The following DYNC1I2 variants were observed in gnomAD, a reference collection of about 807,000 sequenced individuals.
DYNC1I2 encodes the protein cytoplasmic dynein 1 intermediate chain 2.
A neutral mutation model predicts 88.6 loss-of-function variants in DYNC1I2; 53 were observed. The observed-to-expected ratio is 0.60, with a 90% CI of 0.48 to 0.75. DYNC1I2 has a LOEUF of 0.75. DYNC1I2 is among the 30% of genes least tolerant of loss of function. DYNC1I2 has a pLI of 0.00. For missense variants in DYNC1I2, 458 were observed against 766.6 expected, an observed-to-expected ratio of 0.60 and a Z score of 4.75; for synonymous variants, 198 against 254.6, an observed-to-expected ratio of 0.78 and a Z score of 2.12.
At chr2:171,699,421 C>G (rs1488424982) in intron 3 of DYNC1I2, among the ~76,000 whole-genome samples, 2 of 152,152 alleles carry the variant, frequency 1.3e-5, no homozygotes, top group African/African-American at 4.8e-5. Context: ...CATTGGTCAT[C>G]ATGGTTATGG....
At chr2:171,717,141 CTTTTTTT>C (rs71013068) in intron 7 of DYNC1I2, among the ~76,000 whole-genome samples, 2 of 102,296 alleles carry the variant, frequency 2.0e-5, no homozygotes, top group African/African-American at 3.3e-5. Context: ...CAAGTATTTT[CTTTTTTT>C]TTTTTTTTTT....
rs932457253 is a variant in DYNC1I2 at position 171,746,790 on chromosome 2, G to A, written c.1803+863G>A. ...ACATGTGGCCAGTAGCTACCCTACTGGATAGTGTAGATTTATAAACAGGCA... is the reference window on the plus strand; with the variant it reads ...ACATGTGGCCAGTAGCTACCCTACTAGATAGTGTAGATTTATAAACAGGCA... On this transcript the variant is annotated intron_variant, in intron 17 of 17. Coordinates refer to ENST00000397119, the MANE Select transcript of DYNC1I2 (RefSeq NM_001378.3). 7.9e-5 allele frequency among the ~76,000 whole-genome samples: 12 copies of A among 152,178 alleles called. No homozygotes were observed. In the East Asian group the frequency reaches 2.3e-3, roughly 29 times the overall value.
intron 7 of DYNC1I2, among the ~76,000 whole-genome samples, chr2:171,721,112 C>A (rs1280853372): frequency 1.5e-5 from 2 of 130,724 alleles, no homozygotes; most frequent in Non-Finnish European, 3.2e-5. Flanking sequence ...ATAGCAAGAC[C>A]CCATCTCTTA....
At chr2:171,722,761 A>T (rs906224983) in intron 7 of DYNC1I2, among the ~76,000 whole-genome samples, 2 of 152,166 alleles carry the variant, frequency 1.3e-5, no homozygotes, top group South Asian at 2.1e-4. Flanking sequence ...TAGCAAAAAG[A>T]TTGCATTTTA....
At chr2:171,710,124 C>T (rs312922) in intron 5 of DYNC1I2, among the ~76,000 whole-genome samples, 36 of 39,186 alleles carry the variant, frequency 9.2e-4, no homozygotes, top group African/African-American at 3.6e-3. Context: ...TGTATATATA[C>T]ACACACACAC....
intron 3 of DYNC1I2, 118 bp downstream of exon 3, chr2:171,693,012 T>G: frequency 1.3e-6 from 1 of 768,928 alleles, no homozygotes; most frequent in Non-Finnish European, 2.2e-6. Flanking sequence ...TCTAAAATTA[T>G]TAATCTTTTA....
At position 171,711,255 on chromosome 2, in the gene DYNC1I2, G is replaced by A. The variant is rs200530176; in HGVS notation, c.336-1512G>A. The stretch of plus-strand genomic sequence containing the variant: ...TGACCTCAAGTGATCTGCCCACCTC[G>A]GCCTCCCAAAGTGCCAGGATGACCG... On this transcript the variant is annotated intron_variant, in intron 5 of 17. Coordinates refer to ENST00000397119, the MANE Select transcript of DYNC1I2 (RefSeq NM_001378.3). 3.5e-4 allele frequency among the ~76,000 whole-genome samples: 53 copies of A among 152,120 alleles called. No individual in the cohort carries two copies. In the East Asian group the frequency reaches 8.7e-3, roughly 25 times the overall value.
chr2:171,743,043 C>T (rs539435347), intron 15 of DYNC1I2, among the ~76,000 whole-genome samples: 1 of 152,278 alleles, frequency 6.6e-6, no homozygotes, highest in Non-Finnish European at 1.5e-5. Flanking sequence ...CATATAACTT[C>T]TGACTTCCAA....
intron 15 of DYNC1I2, among the ~76,000 whole-genome samples, chr2:171,739,043 GA>G (rs1689209804): frequency 6.7e-6 from 1 of 150,114 alleles, no homozygotes; most frequent in South Asian, 2.1e-4. Flanking sequence ...AGCTCCTCGG[GA>G]GGCAGAGGTT....
intron 15 of DYNC1I2, among the ~76,000 whole-genome samples, chr2:171,735,562 C>T (rs1328419716): frequency 6.6e-6 from 1 of 152,154 alleles, no homozygotes; most frequent in Non-Finnish European, 1.5e-5. Context: ...GATATTCAAC[C>T]TGTATAGAAG....
At chr2:171,746,427 T>G (rs1336053236) in intron 17 of DYNC1I2, among the ~76,000 whole-genome samples, 2 of 152,182 alleles carry the variant, frequency 1.3e-5, no homozygotes, top group African/African-American at 4.8e-5. Context: ...CTCTCTCATC[T>G]TTGCTGCTCT....
At position 171,722,282 on chromosome 2, in the gene DYNC1I2, T is replaced by C. The variant is rs78431252; in HGVS notation, c.512-3336T>C. ...AATACATCACAATTTTGATGTTAACTCAAAGTAAAAATTCAGTGGTTCATT... is the reference window on the plus strand; with the variant it reads ...AATACATCACAATTTTGATGTTAACCCAAAGTAAAAATTCAGTGGTTCATT... On this transcript the variant is annotated intron_variant, in intron 7 of 17. Coordinates refer to ENST00000397119, the MANE Select transcript of DYNC1I2 (RefSeq NM_001378.3). Among the ~76,000 whole-genome samples the C allele has an allele frequency of 2.6e-5, 4 of 152,286 alleles. No individual in the cohort carries two copies. In the East Asian group the frequency reaches 7.7e-4, roughly 29 times the overall value.
At chr2:171,739,017 G>A (rs1205384255) in intron 15 of DYNC1I2, among the ~76,000 whole-genome samples, 1 of 151,332 alleles carries the variant, frequency 6.6e-6, no homozygotes, top group Admixed American at 6.6e-5. Context: ...GTGTGGTGGT[G>A]CATGCCTGTA....
At chr2:171,729,654 G>A (rs1688478870) in intron 14 of DYNC1I2, 55 bp from the exon 15 acceptor site, 4 of 1,581,838 alleles carry the variant, frequency 2.5e-6, no homozygotes, top group Non-Finnish European at 3.5e-6. Context: ...AAATGTGTAT[G>A]TAATTGGTCT....
At chr2:171,715,786 A>G (rs1419051839) in intron 7 of DYNC1I2, among the ~76,000 whole-genome samples, 1 of 152,162 alleles carries the variant, frequency 6.6e-6, no homozygotes, top group East Asian at 1.9e-4. Flanking sequence ...ATTGAGCATA[A>G]TTCTTCCCCA....
At chr2:171,736,176 G>T (rs932495990) in intron 15 of DYNC1I2, among the ~76,000 whole-genome samples, 1 of 152,190 alleles carries the variant, frequency 6.6e-6, no homozygotes, top group Admixed American at 6.5e-5. Context: ...TTGAAGTTGG[G>T]TGTTCTTAGG....
In DYNC1I2 at chr2:171,728,863, T is replaced by C. The variant is rs370691352; in HGVS notation, c.1391+13T>C. On this transcript the variant is annotated intron_variant, in intron 14 of 17. Coordinates refer to ENST00000397119, the MANE Select transcript of DYNC1I2 (RefSeq NM_001378.3). ...GCCGCCATGGCAGGTAAACCTAAAC[T>C]GGAATTTGCAATAATTTAAAATTCC... The C allele has an allele frequency of 6.3e-7, 1 of 1,596,906 alleles. No individual in the cohort carries two copies. Among genetic ancestry groups the C allele is most frequent in the Admixed American group, 1.8e-5 (1 of 55,872 alleles).
At chr2:171,744,635 T>C (rs963420376) in intron 16 of DYNC1I2, among the ~76,000 whole-genome samples, 2 of 152,208 alleles carry the variant, frequency 1.3e-5, no homozygotes, top group African/African-American at 4.8e-5. Flanking sequence ...AGGAAAAATA[T>C]ATTTTGATTT....
chr2:171,715,907 T>C (rs1018065177), intron 7 of DYNC1I2, among the ~76,000 whole-genome samples: 17 of 152,280 alleles, frequency 1.1e-4, no homozygotes, highest in Middle Eastern at 3.4e-3. Context: ...ATTCTTAAAT[T>C]TTCTCTTTTA....
Sources: gnomAD v4.1 joint callset for allele counts (sites outside exome capture counted in the v4.1 genomes callset) on GRCh38, gnomAD v4.1.1 for gene constraint, MANE v1.5 for transcripts, NCBI Gene and HGNC (gene_info 2026-07-23, HGNC 2026-07-21) for gene names.